Variants in SNX3 observed in about 807,000 individuals in gnomAD.
SNX3 encodes the protein sorting nexin 3.
In SNX3, 5 loss-of-function variants were observed where a neutral mutation model predicts 17.7. That is an observed-to-expected ratio of 0.28 (90% CI 0.15 to 0.59). The LOEUF (loss-of-function observed/expected upper bound fraction) is 0.59, where lower values mean the gene tolerates loss of function less well. Ranked by LOEUF, SNX3 falls within the 20% of genes least tolerant of loss-of-function variation. The probability of loss-of-function intolerance (pLI) is 0.88; values close to 1 mark genes in which losing one functional copy is unlikely to be tolerated. For missense variants in SNX3, 132 were observed against 206.8 expected, an observed-to-expected ratio of 0.64 and a Z score of 2.22; for synonymous variants, 91 against 76.5, an observed-to-expected ratio of 1.19 and a Z score of -0.99.
At chr6:108,233,836 T>C (rs145600915) in intron 1 of SNX3, among the ~76,000 whole-genome samples, 148 of 152,298 alleles carry the variant, frequency 9.7e-4, no homozygotes, top group Non-Finnish European at 1.8e-3. Context: ...CTGGGACAGA[T>C]ATGGGCGATA....
intron 1 of SNX3, among the ~76,000 whole-genome samples, chr6:108,226,020 T>C (rs1237361831): frequency 8.2e-6 from 1 of 122,046 alleles, no homozygotes; most frequent in Non-Finnish European, 1.6e-5. Flanking sequence ...CACTCCAGCA[T>C]GGGCAACAAA....
intron 1 of SNX3, 29 bp from the exon 2 acceptor site, chr6:108,223,074 G>GCTTC: frequency 7.8e-7 from 1 of 1,276,468 alleles, no homozygotes; most frequent in Non-Finnish European, 1.1e-6. Context: ...GTCCTAAATT[G>GCTTC]AAGCACATTA....
At chr6:108,233,644 G>T (rs898779512) in intron 1 of SNX3, among the ~76,000 whole-genome samples, 1 of 152,204 alleles carries the variant, frequency 6.6e-6, no homozygotes, top group Non-Finnish European at 1.5e-5. Context: ...AGCTACTCGG[G>T]AGGCTGAGGT....
intron 3 of SNX3, 64 bp downstream of exon 3, chr6:108,214,434 A>T: frequency 6.6e-7 from 1 of 1,506,568 alleles, no homozygotes; most frequent in East Asian, 2.3e-5. Flanking sequence ...AGTTTAGCTT[A>T]ACATCTAAAC....
intron 1 of SNX3, among the ~76,000 whole-genome samples, chr6:108,248,625 CTAAAACTGCAAT>C (rs971016797): frequency 6.6e-6 from 1 of 152,190 alleles, no homozygotes; most frequent in Non-Finnish European, 1.5e-5. Flanking sequence ...CAAAAACGCT[CTAAAACTGCAAT>C]TTATCCCAAC....
rs866196033 is a variant in SNX3 at position 108,240,514 on chromosome 6, C to T, written c.163-17469G>A. On this transcript the variant is annotated intron_variant, in intron 1 of 3. Transcript: ENST00000230085. Reference sequence around the variant, plus strand: ...GATTACAGGCATGAGCCACCATGCCCGGCCAGAAGTCTGTGTGTTTTAACC... The same window carrying T: ...GATTACAGGCATGAGCCACCATGCCTGGCCAGAAGTCTGTGTGTTTTAACC... Among the ~76,000 whole-genome samples the T allele has an allele frequency of 3.9e-5, 6 of 152,092 alleles. No homozygotes were observed. In the South Asian group the frequency reaches 6.2e-4, roughly 16 times the overall value.
chr6:108,246,468 G>C (rs1000314134), intron 1 of SNX3, among the ~76,000 whole-genome samples: 23 of 150,942 alleles, frequency 1.5e-4, no homozygotes, highest in Non-Finnish European at 3.1e-4. Context: ...GGGATTACAG[G>C]CACACACCAC....
At chr6:108,242,107 A>G (rs1300877911) in intron 1 of SNX3, among the ~76,000 whole-genome samples, 1 of 152,232 alleles carries the variant, frequency 6.6e-6, no homozygotes, top group Admixed American at 6.5e-5. Flanking sequence ...CAAAAGCATC[A>G]GCAAACTTGA....
chr6:108,242,949 C>T (rs1775565889), intron 1 of SNX3, among the ~76,000 whole-genome samples: 2 of 152,158 alleles, frequency 1.3e-5, no homozygotes, highest in African/African-American at 2.4e-5. Context: ...ACCACAACCC[C>T]GACCAACCTC....
At chr6:108,242,432 C>T (rs927021507) in intron 1 of SNX3, among the ~76,000 whole-genome samples, 5 of 152,158 alleles carry the variant, frequency 3.3e-5, no homozygotes, top group African/African-American at 4.8e-5. Context: ...GAAATCTACT[C>T]ATCACTACAG....
At chr6:108,234,093 G>T (rs973653663) in intron 1 of SNX3, among the ~76,000 whole-genome samples, 1 of 152,044 alleles carries the variant, frequency 6.6e-6, no homozygotes, top group Non-Finnish European at 1.5e-5. Context: ...AAGAGGGGGT[G>T]GGGAGGGGAG....
chr6:108,222,217 C>T, intron 2 of SNX3: 1 of 1,303,970 alleles, frequency 7.7e-7, no homozygotes, highest in Non-Finnish European at 1.0e-6. Flanking sequence ...CTACCATACC[C>T]ACACCTTTTT....
intron 3 of SNX3, among the ~76,000 whole-genome samples, chr6:108,213,378 G>A (rs1026483958): frequency 1.3e-5 from 2 of 152,094 alleles, no homozygotes; most frequent in African/African-American, 2.4e-5. Context: ...TAGGCCAGGC[G>A]TGGTGGCTCA....
intron 1 of SNX3, among the ~76,000 whole-genome samples, chr6:108,257,375 G>A (rs1226232622): frequency 6.6e-6 from 1 of 152,056 alleles, no homozygotes; most frequent in Non-Finnish European, 1.5e-5. Flanking sequence ...AAATTAGCCA[G>A]GTATAGTAGT....
At chr6:108,245,227 T>C (rs1169803623) in intron 1 of SNX3, among the ~76,000 whole-genome samples, 3 of 152,162 alleles carry the variant, frequency 2.0e-5, no homozygotes, top group Non-Finnish European at 4.4e-5. Context: ...TTTCTGTTCC[T>C]GTGTTAGTTT....
At chr6:108,222,393 A>G (rs1174084634) in intron 2 of SNX3, 33 of 1,277,290 alleles carry the variant, frequency 2.6e-5, no homozygotes, top group Non-Finnish European at 3.4e-5. Context: ...ATTCTATTCT[A>G]AGAGAAGATC....
intron 1 of SNX3, among the ~76,000 whole-genome samples, chr6:108,226,299 C>T (rs1774972306): frequency 6.6e-6 from 1 of 152,128 alleles, no homozygotes; most frequent in African/African-American, 2.4e-5. Flanking sequence ...GTCTTGAACT[C>T]CTGAGTACAC....
intron 1 of SNX3, among the ~76,000 whole-genome samples, chr6:108,248,903 G>A (rs942046327): frequency 8.6e-5 from 13 of 151,982 alleles, no homozygotes; most frequent in Non-Finnish European, 1.9e-4. Flanking sequence ...TGGGACTACA[G>A]GTATGCATCA....
At chr6:108,239,238 A>T (rs756866829) in intron 1 of SNX3, among the ~76,000 whole-genome samples, 18 of 152,080 alleles carry the variant, frequency 1.2e-4, no homozygotes, top group Non-Finnish European at 1.8e-4. Flanking sequence ...AGTAGCAGGG[A>T]AAAATGAATT....
Sources: allele counts gnomAD v4.1 joint callset (sites outside exome capture counted in the v4.1 genomes callset), GRCh38; gene constraint gnomAD v4.1.1; transcripts MANE v1.5; gene names NCBI Gene and HGNC (gene_info 2026-07-23, HGNC 2026-07-21).